RASA3: variants seen among roughly 807,000 people sequenced by gnomAD.
The protein encoded by RASA3 is RAS p21 protein activator 3.
Under a neutral mutation model 110.0 loss-of-function variants are expected in RASA3, and 73 were observed. That is an observed-to-expected ratio of 0.66 (90% CI 0.55 to 0.81). The LOEUF (loss-of-function observed/expected upper bound fraction) is 0.81, where lower values mean the gene tolerates loss of function less well. RASA3 is among the 30% of genes least tolerant of loss of function. RASA3 has a pLI of 0.00. For missense variants in RASA3, 976 were observed against 1,113.2 expected (o/e 0.88, Z 1.75); for synonymous variants, 500 against 451.4 (o/e 1.11, Z -1.37).
chr13:114,124,452 G>A (rs113013674), intron 1 of RASA3, among the ~76,000 whole-genome samples: 9 of 152,370 alleles, frequency 5.9e-5, no homozygotes, highest in East Asian at 1.9e-4. Flanking sequence ...ATCCAGGCCC[G>A]ACGAGGGCGT....
intron 4 of RASA3, among the ~76,000 whole-genome samples, chr13:114,040,263 C>A (rs367978962): frequency 4.0e-5 from 6 of 151,798 alleles, no homozygotes; most frequent in African/African-American, 1.5e-4. Flanking sequence ...CGACCACAAG[C>A]GGGTGAACAC....
rs117544216 is a variant in RASA3, at chr13:114,068,494, T to A, written c.173+5226A>T. 5.8e-3 allele frequency among the ~76,000 whole-genome samples: 876 copies of A among 152,278 alleles called. 1 individual carries two copies. The highest frequency in any genetic ancestry group is 0.017 in the African/African-American group (699 of 41,550). On this transcript the variant is annotated intron_variant, in intron 2 of 23. Transcript: ENST00000334062. ...ACTGGACTAACCCAGCAAGGAGAGA[T>A]TTAGGTTCTGTTGTGTGTGACGCCA...
Position 114,015,238 on chromosome 13 carries a change from A to AG in RASA3, c.1375dup (p.Leu459ProfsTer12), listed in dbSNP as rs1021827999. 1.9e-6 allele frequency: 3 copies of AG among 1,612,940 alleles called. No homozygotes were observed. The highest frequency in any genetic ancestry group is 2.5e-6 in the Non-Finnish European group (3 of 1,179,962). On this transcript the variant is annotated frameshift_variant, in exon 14 of 24. Transcript: ENST00000334062. LOFTEE classifies it high-confidence loss of function. ...GAAGCGCTTGGCCGCCGCCTCCCGG[A>AG]GGGAGAAGAAGATGTCACACATGAC...
At chr13:114,053,749 G>A (rs982829394) in intron 2 of RASA3, among the ~76,000 whole-genome samples, 3 of 152,220 alleles carry the variant, frequency 2.0e-5, no homozygotes, top group Non-Finnish European at 4.4e-5. Flanking sequence ...AAAAGCACAA[G>A]TGCCAAAAGA....
intron 1 of RASA3, among the ~76,000 whole-genome samples, chr13:114,095,867 G>A (rs942911139): frequency 6.6e-6 from 1 of 152,212 alleles, no homozygotes; most frequent in African/African-American, 2.4e-5. Context: ...GTCCAATCCT[G>A]AGTTTTGTCT....
chr13:113,997,740 G>A (rs1393485872), intron 20 of RASA3, among the ~76,000 whole-genome samples: 2 of 152,176 alleles, frequency 1.3e-5, no homozygotes, highest in Non-Finnish European at 2.9e-5. Flanking sequence ...GCTCTCATGT[G>A]GGACTTGCCC....
chr13:114,095,819 T>A (rs2079934843), intron 1 of RASA3, among the ~76,000 whole-genome samples: 1 of 152,174 alleles, frequency 6.6e-6, no homozygotes. Flanking sequence ...ACCCTGGGTC[T>A]CTTTCCAACT....
At chr13:113,981,567 A>C (rs1458219656) in intron 23 of RASA3, 108 bp downstream of exon 23, 2 of 1,259,044 alleles carry the variant, frequency 1.6e-6, no homozygotes, top group Non-Finnish European at 2.2e-6. Context: ...CCAGGCGGAC[A>C]CCTGAGCACG....
intron 18 of RASA3, among the ~76,000 whole-genome samples, chr13:114,004,563 C>T (rs2053472837): frequency 6.6e-6 from 1 of 152,124 alleles, no homozygotes; most frequent in African/African-American, 2.4e-5. Context: ...CCCCAGCTCA[C>T]GCCAGGCAGA....
At chr13:114,036,422 A>G (rs2054278974) in intron 4 of RASA3, among the ~76,000 whole-genome samples, 1 of 152,246 alleles carries the variant, frequency 6.6e-6, no homozygotes, top group African/African-American at 2.4e-5. Flanking sequence ...GGAATCACAG[A>G]GCGGAGGGAC....
Position 114,011,863 on chromosome 13 carries a change from A to G in RASA3, c.1513-615T>C, listed in dbSNP as rs1279998934. 6.6e-6 allele frequency among the ~76,000 whole-genome samples: 1 copy of G among 152,032 alleles called. No individual in the cohort carries two copies. The highest frequency in any genetic ancestry group is 1.9e-4 in the East Asian group (1 of 5,172). On this transcript the variant is annotated intron_variant, in intron 15 of 23. Coordinates refer to ENST00000334062, the MANE Select transcript of RASA3 (RefSeq NM_007368.4). This position sits in a 1 kb window ranked among gnomAD's most constrained non-coding sequence, Gnocchi z 4.8. ...CTTGAACCCAGGAGGCAGAGGTTGC[A>G]GTGAGCTGAGATGGTACCACTGCAC...
rs2080117771 is a variant in RASA3 at position 114,105,214 on chromosome 13, G to A, written c.55+27221C>T. Among the ~76,000 whole-genome samples, 3 of 152,172 alleles carry A rather than the reference G, an allele frequency of 2.0e-5. 1 individual carries two copies. The highest frequency in any genetic ancestry group is 7.2e-5 in the African/African-American group (3 of 41,528). Reference sequence around the variant, plus strand: ...AGGAGGGCAGGTCCGGGACTGGGAGGACGACCCCCACGCAAGCCCCCACCC... The same window carrying A: ...AGGAGGGCAGGTCCGGGACTGGGAGAACGACCCCCACGCAAGCCCCCACCC... On this transcript the variant is annotated intron_variant, in intron 1 of 23. Coordinates refer to ENST00000334062, the MANE Select transcript of RASA3 (RefSeq NM_007368.4).
chr13:114,087,518 G>A (rs543917088), intron 1 of RASA3, among the ~76,000 whole-genome samples: 2 of 152,232 alleles, frequency 1.3e-5, no homozygotes, highest in African/African-American at 4.8e-5. Context: ...TTCCAGAGCC[G>A]GCGGGATTGC....
At chr13:114,025,461 G>A (rs2054009304) in intron 7 of RASA3, among the ~76,000 whole-genome samples, 1 of 150,100 alleles carries the variant, frequency 6.7e-6, no homozygotes, top group South Asian at 2.1e-4. Context: ...GGCAGGTCAG[G>A]CAATGCCTCC....
At chr13:114,109,859 G>A (rs940321814) in intron 1 of RASA3, among the ~76,000 whole-genome samples, 1 of 152,214 alleles carries the variant, frequency 6.6e-6, no homozygotes, top group African/African-American at 2.4e-5. Context: ...GGCGGCACGA[G>A]ACTCAGCATC....
At chr13:113,981,905 G>A (rs1382325701) in intron 22 of RASA3, 47 bp from the exon 23 acceptor site, 10 of 1,564,896 alleles carry the variant, frequency 6.4e-6, no homozygotes, top group South Asian at 4.6e-5. Flanking sequence ...CCAGGCCACC[G>A]GCCCCGTCTC....
chr13:113,978,168 T>A lies in RASA3; in HGVS notation c.*1179A>T, dbSNP rs1284278229. ...TCTGGAGGGGTCTGCCTGGACCCCA[T>A]TTTTAGGATGCTCCCCTCCCCAATA... On this transcript the variant is annotated 3_prime_UTR_variant, in exon 24 of 24. Transcript: ENST00000334062. 2 of 152,246 alleles carry A rather than the reference T, an allele frequency of 1.3e-5. No individual in the cohort carries two copies. Among genetic ancestry groups the A allele is most frequent in the African/African-American group, 4.8e-5 (2 of 41,450 alleles). The allele number at this position is 152,246 out of a possible 1,614,324, so 9.4% of individuals were successfully genotyped here. A position where few individuals can be genotyped will look rare whatever the true frequency, so the allele number is the denominator to read the frequency against.
At chr13:114,124,277 C>T (rs1245894626) in intron 1 of RASA3, among the ~76,000 whole-genome samples, 1 of 152,228 alleles carries the variant, frequency 6.6e-6, no homozygotes, top group East Asian at 1.9e-4. Flanking sequence ...GCTAGAGCTA[C>T]AGCCCCAGGA....
intron 10 of RASA3, 35 bp downstream of exon 10, chr13:114,018,728 T>C: frequency 6.2e-7 from 1 of 1,607,624 alleles, no homozygotes; most frequent in Non-Finnish European, 8.5e-7. Flanking sequence ...TGGCACCTCC[T>C]GCCCACACCC....
Sources: allele counts gnomAD v4.1 joint callset (sites outside exome capture counted in the v4.1 genomes callset), GRCh38; gene constraint gnomAD v4.1.1; non-coding constraint Gnocchi (gnomAD v3.1); transcripts MANE v1.5; gene names NCBI Gene and HGNC (gene_info 2026-07-23, HGNC 2026-07-21).